PDE1C: variants seen among roughly 807,000 people sequenced by gnomAD.
PDE1C encodes the protein phosphodiesterase 1C.
PDE1C carries 62 observed loss-of-function variants against 93.1 expected under a neutral mutation model. That is an observed-to-expected ratio of 0.67 (90% CI 0.54 to 0.82). The LOEUF is 0.82. PDE1C is among the 40% of genes least tolerant of loss of function. PDE1C has a pLI of 0.00. For missense variants in PDE1C, 742 were observed against 884.6 expected, an observed-to-expected ratio of 0.84 and a Z score of 2.04; for synonymous variants, 325 against 310.1, an observed-to-expected ratio of 1.05 and a Z score of -0.50.
chr7:31,981,984 C>T (rs1812443602), intron 2 of PDE1C, among the ~76,000 whole-genome samples: 1 of 152,196 alleles, frequency 6.6e-6, no homozygotes. Context: ...TTTTCAGTGC[C>T]TTCAAAAGAG....
chr7:31,687,850 T>C, the PDE1C span, among the ~76,000 whole-genome samples: 1 of 152,348 alleles, frequency 6.6e-6, no homozygotes, highest in Non-Finnish European at 1.5e-5. Flanking sequence ...CCTTCTACCC[T>C]TTTATTCCAT....
chr7:32,312,955 G>A (rs78945330), intron 1 of PDE1C, among the ~76,000 whole-genome samples: 10,732 of 152,038 alleles, frequency 0.071, 471 homozygotes, highest in East Asian at 0.12. Flanking sequence ...ACTTCTATCA[G>A]GTGAACAGGC....
the PDE1C span, among the ~76,000 whole-genome samples, chr7:31,673,578 C>G: frequency 3.2e-4 from 49 of 152,130 alleles, no homozygotes; most frequent in African/African-American, 1.2e-3. Context: ...TTTATGACCT[C>G]TATTTCTTTT....
intron 3 of PDE1C, among the ~76,000 whole-genome samples, chr7:32,166,711 T>C (rs10274609): frequency 0.14 from 21,674 of 152,172 alleles, 1,898 homozygotes; most frequent in East Asian, 0.33. Flanking sequence ...GCATTATTAG[T>C]AACTGACATT....
intron 2 of PDE1C, among the ~76,000 whole-genome samples, chr7:32,003,072 C>T (rs1785691801): frequency 6.6e-6 from 1 of 152,184 alleles, no homozygotes; most frequent in African/African-American, 2.4e-5. Flanking sequence ...AATTTCATTT[C>T]TGCAAAGTTT....
At chr7:31,723,443 T>A in the PDE1C span, among the ~76,000 whole-genome samples, 6 of 152,236 alleles carry the variant, frequency 3.9e-5, no homozygotes, top group Admixed American at 3.3e-4. Context: ...TGCCTGGCAC[T>A]CTAGTGTCAA....
At chr7:32,399,643 C>T (rs1338433348) in intron 1 of PDE1C, among the ~76,000 whole-genome samples, 1 of 143,726 alleles carries the variant, frequency 7.0e-6, no homozygotes, top group Non-Finnish European at 1.5e-5. Context: ...AATGCAGTGG[C>T]ACAATCCCAG....
the PDE1C span, among the ~76,000 whole-genome samples, chr7:31,622,841 C>A: frequency 6.6e-6 from 1 of 151,972 alleles, no homozygotes. Context: ...AAATGATCAA[C>A]AAAATTGATA....
chr7:32,078,375 G>T (rs1796472732), intron 3 of PDE1C, among the ~76,000 whole-genome samples: 1 of 152,178 alleles, frequency 6.6e-6, no homozygotes, highest in Non-Finnish European at 1.5e-5. Context: ...TCCAACGGAG[G>T]ACTGGTTCAA....
chr7:31,838,841 T>C (rs945867013), intron 9 of PDE1C, among the ~76,000 whole-genome samples: 4 of 152,070 alleles, frequency 2.6e-5, no homozygotes, highest in Admixed American at 2.6e-4. Context: ...AAAATACCAC[T>C]GTAATCATGA....
chr7:31,828,377 G>GA lies in PDE1C; in HGVS notation c.1204-5dup. On this transcript the variant is annotated splice_region_variant and splice_polypyrimidine_tract_variant and intron_variant, in intron 11 of 17. Coordinates refer to ENST00000396191, the MANE Select transcript of PDE1C (RefSeq NM_001191057.4). ...CCAGCTCTGCTTCTCTGTCACCCTG[G>GA]AAAAATAAAAGGTCATAGTAAATTA... is the stretch of plus-strand genomic sequence containing the variant. The GA allele has an allele frequency of 6.2e-7, 1 of 1,610,804 alleles. No homozygotes were observed. The highest frequency in any genetic ancestry group is 1.1e-5 in the South Asian group (1 of 90,816).
intron 11 of PDE1C, among the ~76,000 whole-genome samples, chr7:31,830,768 T>C (rs1790280117): frequency 6.6e-6 from 1 of 152,188 alleles, no homozygotes; most frequent in Non-Finnish European, 1.5e-5. Flanking sequence ...ATATCTCTTA[T>C]GCCTACTTCT....
In PDE1C at chr7:32,249,486, G is replaced by T. The variant is rs116025851; in HGVS notation, c.86-39947C>A. On this transcript the variant is annotated intron_variant, in intron 1 of 18. Transcript: ENST00000396193. The stretch of plus-strand genomic sequence containing the variant: ...TGCATGGGACACTGAGGGAGGAGAT[G>T]CCCTCTTAAACACCAGGCTAACTCA... Among the ~76,000 whole-genome samples, 878 of 152,168 alleles carry T rather than the reference G, an allele frequency of 5.8e-3. 10 individuals are homozygous for T. The highest frequency in any genetic ancestry group is 0.02 in the African/African-American group (829 of 41,504).
At chr7:31,658,222 G>C in the PDE1C span, 2 of 1,450,774 alleles carry the variant, frequency 1.4e-6, no homozygotes, top group Non-Finnish European at 1.8e-6. Context: ...ACACTTCCCA[G>C]AAAAATGTTG....
At chr7:31,858,753 T>C (rs1412699551) in intron 7 of PDE1C, among the ~76,000 whole-genome samples, 1 of 152,152 alleles carries the variant, frequency 6.6e-6, no homozygotes, top group African/African-American at 2.4e-5. Context: ...TTACTAATAT[T>C]CTACTGTATG....
chr7:32,023,947 T>G (rs1789062395), intron 2 of PDE1C, among the ~76,000 whole-genome samples: 1 of 152,138 alleles, frequency 6.6e-6, no homozygotes, highest in South Asian at 2.1e-4. Flanking sequence ...GTTAATTCCT[T>G]GGTTTTGAGA....
chr7:32,391,262 C>CA (rs574508540), intron 1 of PDE1C, among the ~76,000 whole-genome samples: 10 of 151,176 alleles, frequency 6.6e-5, no homozygotes, highest in Admixed American at 5.3e-4. Flanking sequence ...ATTACCAGAG[C>CA]AAAAAAAAGC....
At chr7:32,150,922 G>A (rs1056483513) in intron 3 of PDE1C, among the ~76,000 whole-genome samples, 19 of 151,968 alleles carry the variant, frequency 1.3e-4, no homozygotes, top group African/African-American at 4.6e-4. Context: ...TTCTATACCT[G>A]AGAACTAATG....
chr7:32,374,215 A>AG (rs1336873966), intron 1 of PDE1C, among the ~76,000 whole-genome samples: 6 of 145,954 alleles, frequency 4.1e-5, no homozygotes, highest in Non-Finnish European at 7.5e-5. Flanking sequence ...AGAGGGAAAG[A>AG]AAGGGAAAGA....
Sources: allele counts gnomAD v4.1 joint callset (sites outside exome capture counted in the v4.1 genomes callset), GRCh38; gene constraint gnomAD v4.1.1; transcripts MANE v1.5; gene names NCBI Gene and HGNC (gene_info 2026-07-23, HGNC 2026-07-21).